INSR: variants seen among roughly 807,000 people sequenced by gnomAD.
The protein encoded by INSR is insulin receptor.
INSR carries 67 observed loss-of-function variants against 142.6 expected under a neutral mutation model. That is an observed-to-expected ratio of 0.47 (90% CI 0.39 to 0.58). The LOEUF is 0.58. INSR is among the 20% of genes least tolerant of loss of function. INSR has a pLI of 0.00. For synonymous variants in INSR, 756 were observed against 743.1 expected, an observed-to-expected ratio of 1.02 and a Z score of -0.28; for missense variants, 1,248 against 1,833.2, an observed-to-expected ratio of 0.68 and a Z score of 5.83.
intron 9 of INSR, 86 bp from the exon 10 acceptor site, chr19:7,153,013 C>CCACA: frequency 1.8e-6 from 1 of 545,272 alleles, no homozygotes; most frequent in Non-Finnish European, 3.0e-6. Context: ...CACACACACA[C>CCACA]CACACACACA....
In INSR at chr19:7,245,544, G is replaced by A. The variant is rs565139352; in HGVS notation, c.652+21801C>T. Among the ~76,000 whole-genome samples the A allele has an allele frequency of 2.5e-4, 38 of 152,136 alleles. 1 individual carries two copies. The South Asian group carries it at 7.7e-3, about 31-fold the overall frequency. Reference sequence around the variant, plus strand: ...GGCTCATTGAACCTCCACCTCCCAAGTTCAAGCAACTCTCCTGTCTCAGGT... The same window carrying A: ...GGCTCATTGAACCTCCACCTCCCAAATTCAAGCAACTCTCCTGTCTCAGGT... On this transcript the variant is annotated intron_variant, in intron 2 of 21. Transcript: ENST00000302850.
At chr19:7,191,721 C>A (rs1974594097) in intron 2 of INSR, among the ~76,000 whole-genome samples, 1 of 152,006 alleles carries the variant, frequency 6.6e-6, no homozygotes, top group South Asian at 2.1e-4. Context: ...CCCAGCTACT[C>A]GGGAGACTGA....
chr19:7,123,969 C>T (rs1232469323), intron 17 of INSR, among the ~76,000 whole-genome samples: 3 of 152,076 alleles, frequency 2.0e-5, no homozygotes, highest in African/African-American at 7.2e-5. Flanking sequence ...CGCCTGTAAT[C>T]CCAGCACTTT....
In INSR at chr19:7,263,789, T is replaced by C. The variant is rs141978825; in HGVS notation, c.652+3556A>G. The stretch of plus-strand genomic sequence containing the variant: ...GGCCGATGCATGTAATCCCAGCACT[T>C]TGGGAAGCCGAGGTGCTTGAGCTCA... On this transcript the variant is annotated intron_variant, in intron 2 of 21. Transcript: ENST00000302850. Among the ~76,000 whole-genome samples the C allele has an allele frequency of 2.7e-4, 41 of 152,154 alleles. No homozygotes were observed. The East Asian group carries it at 7.7e-3, about 29-fold the overall frequency.
At chr19:7,201,388 G>A (rs1011941199) in intron 2 of INSR, among the ~76,000 whole-genome samples, 22 of 152,008 alleles carry the variant, frequency 1.4e-4, no homozygotes, top group Non-Finnish European at 2.8e-4. Flanking sequence ...ACTTTGGGAG[G>A]CCGAGGCGGG....
At chr19:7,181,228 G>A (rs1444100555) in intron 3 of INSR, among the ~76,000 whole-genome samples, 1 of 152,120 alleles carries the variant, frequency 6.6e-6, no homozygotes, top group Non-Finnish European at 1.5e-5. Context: ...TTATAGGCGT[G>A]AGCCACCGCG....
intron 1 of INSR, among the ~76,000 whole-genome samples, chr19:7,283,939 C>T (rs529152408): frequency 2.4e-4 from 36 of 152,310 alleles, no homozygotes; most frequent in African/African-American, 8.2e-4. Context: ...TTGAAAGACA[C>T]TATTGAATCT....
intron 2 of INSR, among the ~76,000 whole-genome samples, chr19:7,204,031 C>T (rs1294985739): frequency 1.3e-5 from 2 of 150,912 alleles, no homozygotes; most frequent in Non-Finnish European, 3.0e-5. Flanking sequence ...TACAGGCTCC[C>T]GGCTCACTGC....
At chr19:7,246,827 A>G (rs1976550317) in intron 2 of INSR, among the ~76,000 whole-genome samples, 1 of 143,418 alleles carries the variant, frequency 7.0e-6, no homozygotes, top group African/African-American at 3.0e-5. Flanking sequence ...TACAAACTCC[A>G]TGACTGAACT....
chr19:7,133,755 T>C (rs10420973), intron 13 of INSR, among the ~76,000 whole-genome samples: 108,463 of 152,150 alleles, frequency 0.71, 38,800 homozygotes, highest in East Asian at 0.81. Flanking sequence ...CCCAGCTACT[T>C]GGAGGGTGAG....
intron 2 of INSR, among the ~76,000 whole-genome samples, chr19:7,222,224 A>C (rs1038010382): frequency 6.6e-6 from 1 of 151,620 alleles, no homozygotes; most frequent in Non-Finnish European, 1.5e-5. Context: ...CCCAACATCT[A>C]TCTAGCCCAG....
Position 7,122,764 on chromosome 19 carries a change from C to T in INSR, c.3379G>A (p.Gly1127Ser). 1 of 1,614,100 alleles carries T rather than the reference C, an allele frequency of 6.2e-7. No homozygotes were observed. Among genetic ancestry groups the T allele is most frequent in the Non-Finnish European group, 8.5e-7 (1 of 1,179,954 alleles). Residue 1127 changes from glycine to serine, a missense_variant, in exon 19 of 22, where the codon GGC (glycine) becomes AGC (serine). By Grantham distance (56) the Gly-to-Ser change is moderately conservative. Coordinates refer to ENST00000302850, the MANE Select transcript of INSR (RefSeq NM_000208.4). ...TCTTGAAGGGTAGGGGGAGGGCGGC[C>T]AGGATTATTCTAAAACAGAAACACG... The part of the protein sequence containing the change: ...SLRPEAENNP[G>S]RPPPTLQEMI...
chr19:7,132,406 C>A, intron 13 of INSR, 89 bp from the exon 14 acceptor site: 1 of 1,463,978 alleles, frequency 6.8e-7, no homozygotes, highest in African/African-American at 1.4e-5. Context: ...CAGCCAGGAT[C>A]CTGCTCAGAA....
chr19:7,188,866 A>C (rs1482720396), intron 2 of INSR, among the ~76,000 whole-genome samples: 5 of 99,696 alleles, frequency 5.0e-5, no homozygotes, highest in Non-Finnish European at 9.4e-5. Context: ...GCGAGACTCT[A>C]TCTCAAAAAA....
At chr19:7,258,227 T>C (rs1181351544) in intron 2 of INSR, among the ~76,000 whole-genome samples, 1 of 152,010 alleles carries the variant, frequency 6.6e-6, no homozygotes, top group Non-Finnish European at 1.5e-5. Flanking sequence ...TTGAACCCAA[T>C]TGTTTGAGAC....
chr19:7,267,253 A>G lies in INSR; in HGVS notation c.652+92T>C. ...CCCACTATTCCCCGGCCCCTACCTA[A>G]TGACCATTTAACATTTTTAAGCCAT... is the stretch of plus-strand genomic sequence containing the variant. On this transcript the variant is annotated intron_variant, in intron 2 of 21. Transcript: ENST00000302850. The surrounding 1 kb of genome is among the most constrained non-coding windows in gnomAD (Gnocchi z 6.3). 1 of 1,373,192 alleles carries G rather than the reference A, an allele frequency of 7.3e-7. No individual in the cohort carries two copies. The highest frequency in any genetic ancestry group is 1.2e-5 in the South Asian group (1 of 83,936). 85.1% of individuals were successfully genotyped at this position (1,373,192 alleles called of 1,614,324 possible). A position where few individuals can be genotyped will look rare whatever the true frequency, so the allele number is the denominator to read the frequency against.
chr19:7,152,179 TCAGGGGTTAGAGAC>T (rs1354512332), intron 10 of INSR: 3 of 197,628 alleles, frequency 1.5e-5, no homozygotes, highest in African/African-American at 7.2e-5. Context: ...TCACCTGAGG[TCAGGGGTTAGAGAC>T]CAGCCTAGCC....
rs533690519 is a variant in INSR, at chr19:7,294,228, C to G, written c.-337G>C. On this transcript the variant is annotated 5_prime_UTR_variant, in exon 1 of 22. Transcript: ENST00000302850. ...CTCTCGGCTCTCGGCCCCGCGCGCT[C>G]TGGGTCGCGATCTGCGGGCTCCGGG... Among the ~76,000 whole-genome samples the G allele has an allele frequency of 6.7e-6, 1 of 148,780 alleles. No homozygotes were observed. The highest frequency in any genetic ancestry group is 2.5e-5 in the African/African-American group (1 of 40,700).
chr19:7,117,148 G>T lies in INSR; in HGVS notation c.4057C>A (p.Arg1353=). The T allele has an allele frequency of 6.2e-7, 1 of 1,614,000 alleles. No individual in the cohort carries two copies. ...TAAGGGATGTGTTCCTCGTAGCTCC[G>T]CTTGAAACCCAGCGAGGACCCTCCA... ...RDGGSSLGFK[R]SYEEHIPYTH... is the part of the protein sequence containing the mutation. Residue 1353 remains arginine, a synonymous_variant, in exon 22 of 22, where the codon CGG becomes AGG. Coordinates refer to ENST00000302850, the MANE Select transcript of INSR (RefSeq NM_000208.4).
Sources: gnomAD v4.1 joint callset for allele counts (sites outside exome capture counted in the v4.1 genomes callset) on GRCh38, gnomAD v4.1.1 for gene constraint, Gnocchi (gnomAD v3.1) non-coding constraint, MANE v1.5 for transcripts, NCBI Gene and HGNC (gene_info 2026-07-23, HGNC 2026-07-21) for gene names.